Variants in ADD3 observed in about 807,000 individuals in gnomAD.
ADD3 encodes gamma-adducin.
Under a neutral mutation model 80.2 loss-of-function variants are expected in ADD3, and 25 were observed. The ratio of observed to expected loss-of-function variants is 0.31; its 90% CI spans 0.23 to 0.44. The LOEUF is 0.44. Among genes scored for constraint, ADD3 ranks in the 20% least tolerant of loss-of-function variants. The probability of loss-of-function intolerance (pLI) is 1.00; values close to 1 mark genes in which losing one functional copy is unlikely to be tolerated. For missense variants in ADD3, 829 were observed against 847.5 expected, an observed-to-expected ratio of 0.98 and a Z score of 0.27; for synonymous variants, 284 against 289.6, an observed-to-expected ratio of 0.98 and a Z score of 0.20.
upstream of ADD3, chr10:110,007,981 G>T (rs1458019915): frequency 6.6e-6 from 1 of 152,182 alleles, no homozygotes; most frequent in South Asian, 2.1e-4. Context: ...GGCTAGTCCC[G>T]CCAGAGCGCG....
intron 2 of ADD3, among the ~76,000 whole-genome samples, chr10:110,111,264 T>C (rs966476684): frequency 3.3e-5 from 5 of 152,244 alleles, no homozygotes; most frequent in Admixed American, 3.3e-4. Flanking sequence ...GGCATCCTGC[T>C]ACATAAGTAA....
chr10:110,090,390 TTTGTA>T (rs1847347697), intron 1 of ADD3, among the ~76,000 whole-genome samples: 1 of 151,938 alleles, frequency 6.6e-6, no homozygotes, highest in African/African-American at 2.4e-5. Flanking sequence ...CAGCTAATGT[TTTGTA>T]TTTTTAGTAG....
intron 1 of ADD3, among the ~76,000 whole-genome samples, chr10:110,048,751 C>T (rs1177818131): frequency 6.6e-6 from 1 of 152,060 alleles, no homozygotes; most frequent in Non-Finnish European, 1.5e-5. Flanking sequence ...TAAAAGCATT[C>T]AGTTTTGAAA....
At chr10:110,078,612 T>C (rs914730638) in intron 1 of ADD3, among the ~76,000 whole-genome samples, 3 of 152,232 alleles carry the variant, frequency 2.0e-5, no homozygotes, top group Non-Finnish European at 4.4e-5. Context: ...GGCTACTCAG[T>C]GTACAGCTAT....
chr10:110,020,002 C>T (rs1010388953), intron 1 of ADD3, among the ~76,000 whole-genome samples: 2 of 152,178 alleles, frequency 1.3e-5, no homozygotes, highest in Admixed American at 6.5e-5. Flanking sequence ...GTGAAATGAG[C>T]AAGGATAGCA....
intron 2 of ADD3, among the ~76,000 whole-genome samples, chr10:110,106,434 G>T (rs1849402577): frequency 6.6e-6 from 1 of 151,770 alleles, no homozygotes; most frequent in Admixed American, 6.6e-5. Context: ...TCTGACCTTG[G>T]ATACAGAGTT....
intron 2 of ADD3, among the ~76,000 whole-genome samples, chr10:110,105,610 G>A (rs1028608929): frequency 2.0e-5 from 3 of 152,188 alleles, no homozygotes; most frequent in South Asian, 4.1e-4. Context: ...CAAATGTGCA[G>A]TGTTATTCTG....
At position 110,117,360 on chromosome 10, in the gene ADD3, C is replaced by G. The variant is rs1384248301; in HGVS notation, c.505C>G (p.Gln169Glu). 1.2e-6 allele frequency: 2 copies of G among 1,600,684 alleles called. No individual in the cohort carries two copies. Among genetic ancestry groups the G allele is most frequent in the South Asian group, 2.2e-5 (2 of 90,628 alleles). ...TYISVRISKE[Q>E]DHIIIIPRGL... ...TTTCCAGGTAAGAATAAGTAAGGAG[C>G]AAGACCACATTATAATAATTCCCAG... Residue 169 changes from glutamine (Q) to glutamate (E), a missense_variant, in exon 5 of 15, where the codon CAA becomes GAA. Transcript: ENST00000356080.
At chr10:110,098,628 T>C (rs987884600) in intron 1 of ADD3, among the ~76,000 whole-genome samples, 3 of 152,032 alleles carry the variant, frequency 2.0e-5, no homozygotes, top group African/African-American at 7.2e-5. Flanking sequence ...TTTTCATGAA[T>C]ACAGAATTTT....
intron 1 of ADD3, among the ~76,000 whole-genome samples, chr10:110,075,197 A>G (rs545628806): frequency 6.6e-6 from 1 of 152,356 alleles, no homozygotes; most frequent in East Asian, 1.9e-4. Context: ...TGTCTGTGCC[A>G]GTAAATCAGA....
At chr10:110,036,635 G>A (rs1855697449) in intron 1 of ADD3, among the ~76,000 whole-genome samples, 2 of 150,952 alleles carry the variant, frequency 1.3e-5, no homozygotes. Flanking sequence ...GCCTCCCAAA[G>A]TGCTGGGATT....
In ADD3 at chr10:110,110,181, G is replaced by A. The variant is rs528180209; in HGVS notation, c.196-2596G>A. ...ACTCAAATATCCACTTGCCTTATTAGCAGAAAGTACACCATCTTTCTCTTG... is the reference window on the plus strand; with the variant it reads ...ACTCAAATATCCACTTGCCTTATTAACAGAAAGTACACCATCTTTCTCTTG... On this transcript the variant is annotated intron_variant, in intron 2 of 14. Transcript: ENST00000356080. 3.9e-5 allele frequency among the ~76,000 whole-genome samples: 6 copies of A among 152,244 alleles called. No individual in the cohort carries two copies. The South Asian group carries it at 1.2e-3, about 32-fold the overall frequency.
At chr10:110,065,494 C>G (rs202109508) in intron 1 of ADD3, among the ~76,000 whole-genome samples, 17,683 of 132,770 alleles carry the variant, frequency 0.13, 1,527 homozygotes, top group East Asian at 0.39. Flanking sequence ...GTCTGTCTCT[C>G]TCTCTCTCTC....
intron 1 of ADD3, among the ~76,000 whole-genome samples, chr10:110,094,500 T>C (rs1180573308): frequency 6.6e-6 from 1 of 152,188 alleles, no homozygotes; most frequent in East Asian, 1.9e-4. Flanking sequence ...ATTAAGTTTT[T>C]CTCCATTTGT....
chr10:110,069,649 C>T (rs571925443), intron 1 of ADD3, among the ~76,000 whole-genome samples: 7 of 152,010 alleles, frequency 4.6e-5, no homozygotes, highest in African/African-American at 1.7e-4. Context: ...GTAGTGCCAC[C>T]TTGACCATGA....
chr10:110,104,460 T>C (rs1396651621), intron 2 of ADD3, among the ~76,000 whole-genome samples: 1 of 152,228 alleles, frequency 6.6e-6, no homozygotes, highest in Non-Finnish European at 1.5e-5. Flanking sequence ...TTTTGTACTG[T>C]CTTTGTTCCT....
chr10:110,060,179 A>G (rs1390335081), intron 1 of ADD3, among the ~76,000 whole-genome samples: 1 of 152,224 alleles, frequency 6.6e-6, no homozygotes, highest in African/African-American at 2.4e-5. Flanking sequence ...TTGACAGATC[A>G]CAGCTGTATC....
At chr10:110,031,578 C>G (rs1287712461) in intron 1 of ADD3, among the ~76,000 whole-genome samples, 2 of 151,926 alleles carry the variant, frequency 1.3e-5, no homozygotes, top group Non-Finnish European at 2.9e-5. Flanking sequence ...TAACATGAAG[C>G]GGAGTACTGT....
At chr10:110,026,560 G>A (rs1299313932) in intron 1 of ADD3, among the ~76,000 whole-genome samples, 2 of 152,082 alleles carry the variant, frequency 1.3e-5, no homozygotes, top group Non-Finnish European at 2.9e-5. Flanking sequence ...GATTACAGAC[G>A]TGAGCCACCA....
Sources: gnomAD v4.1 joint callset for allele counts (sites outside exome capture counted in the v4.1 genomes callset) on GRCh38, gnomAD v4.1.1 for gene constraint, MANE v1.5 for transcripts, NCBI Gene and HGNC (gene_info 2026-07-23, HGNC 2026-07-21) for gene names.